TNR: variants seen among roughly 807,000 people sequenced by gnomAD.
TNR encodes tenascin R.
Under a neutral mutation model 150.4 loss-of-function variants are expected in TNR, and 45 were observed. The ratio of observed to expected loss-of-function variants is 0.30; its 90% CI spans 0.24 to 0.38. The LOEUF is 0.38. Among genes scored for constraint, TNR ranks in the 10% least tolerant of loss-of-function variants. TNR has a pLI of 1.00. For missense variants in TNR, 1,544 were observed against 1,759.1 expected (o/e 0.88, Z 2.19); for synonymous variants, 687 against 678.4 (o/e 1.01, Z -0.20).
intron 1 of TNR, among the ~76,000 whole-genome samples, chr1:175,700,466 T>C (rs76514541): frequency 0.055 from 8,323 of 152,266 alleles, 317 homozygotes; most frequent in East Asian, 0.17. Flanking sequence ...TGAGATCGTC[T>C]TGAGAGAAGC....
intron 1 of TNR, among the ~76,000 whole-genome samples, chr1:175,612,490 A>G (rs192653356): frequency 3.3e-4 from 51 of 152,270 alleles, no homozygotes; most frequent in South Asian, 2.7e-3. Context: ...GCATCAGTCA[A>G]TGGGTCAGGC....
chr1:175,639,062 T>C (rs536092440), intron 1 of TNR, among the ~76,000 whole-genome samples: 14 of 152,322 alleles, frequency 9.2e-5, no homozygotes, highest in East Asian at 3.9e-4. Flanking sequence ...TCCACTTCTA[T>C]GGCACGCACC....
intron 2 of TNR, among the ~76,000 whole-genome samples, chr1:175,461,470 G>A (rs1320159750): frequency 1.3e-5 from 2 of 152,190 alleles, no homozygotes; most frequent in Non-Finnish European, 2.9e-5. Flanking sequence ...TAACATTAAT[G>A]TCAGCACTGA....
chr1:175,548,375 T>C (rs1003967434), intron 1 of TNR, among the ~76,000 whole-genome samples: 5 of 152,102 alleles, frequency 3.3e-5, no homozygotes, highest in Admixed American at 6.6e-5. Context: ...CTCTATCTAG[T>C]AGCTGCACGA....
intron 18 of TNR, among the ~76,000 whole-genome samples, chr1:175,349,442 C>T (rs373712000): frequency 3.9e-5 from 6 of 152,132 alleles, no homozygotes; most frequent in Non-Finnish European, 5.9e-5. Flanking sequence ...CATGACAACA[C>T]GGATGGGTCT....
At chr1:175,729,786 A>G (rs1302323485) in intron 1 of TNR, among the ~76,000 whole-genome samples, 1 of 152,204 alleles carries the variant, frequency 6.6e-6, no homozygotes, top group African/African-American at 2.4e-5. Context: ...CAAGAAGAGC[A>G]CAGCATCCCC....
intron 9 of TNR, among the ~76,000 whole-genome samples, chr1:175,377,275 T>C (rs1460388256): frequency 6.6e-6 from 1 of 152,188 alleles, no homozygotes; most frequent in Admixed American, 6.5e-5. Context: ...TCTTCTTTTT[T>C]CCCGGTAGAG....
At chr1:175,327,990 C>G (rs1404213790) in intron 21 of TNR, among the ~76,000 whole-genome samples, 1 of 152,186 alleles carries the variant, frequency 6.6e-6, no homozygotes, top group Non-Finnish European at 1.5e-5. Context: ...TGTCTGTAAT[C>G]CCAGCTACTC....
At chr1:175,365,533 A>G (rs1431823903) in intron 11 of TNR, among the ~76,000 whole-genome samples, 2 of 152,222 alleles carry the variant, frequency 1.3e-5, no homozygotes. Context: ...ACCAGGATTG[A>G]AAGCCTGTAT....
At chr1:175,675,523 C>G (rs1283682756) in intron 1 of TNR, among the ~76,000 whole-genome samples, 1 of 152,204 alleles carries the variant, frequency 6.6e-6, no homozygotes, top group Non-Finnish European at 1.5e-5. Context: ...TTCAAGCATG[C>G]AGGTATCATG....
At chr1:175,677,773 T>C (rs540330908) in intron 1 of TNR, among the ~76,000 whole-genome samples, 1 of 152,212 alleles carries the variant, frequency 6.6e-6, no homozygotes, top group African/African-American at 2.4e-5. Flanking sequence ...ACTTCATCTA[T>C]TAACTGGGAA....
chr1:175,684,751 C>G (rs1341423688), intron 1 of TNR, among the ~76,000 whole-genome samples: 1 of 152,108 alleles, frequency 6.6e-6, no homozygotes, highest in Non-Finnish European at 1.5e-5. Context: ...TCAGAAAATG[C>G]CAGTAATGCA....
chr1:175,543,426 A>C (rs994846728), intron 1 of TNR, among the ~76,000 whole-genome samples: 1 of 152,194 alleles, frequency 6.6e-6, no homozygotes, highest in African/African-American at 2.4e-5. Flanking sequence ...GAAGACAAGA[A>C]GTTAGTCCTC....
At chr1:175,543,969 G>T (rs1557997214) in intron 1 of TNR, among the ~76,000 whole-genome samples, 1 of 152,106 alleles carries the variant, frequency 6.6e-6, no homozygotes, top group Non-Finnish European at 1.5e-5. Context: ...ACAGAAATGA[G>T]AAACCTCATG....
intron 2 of TNR, among the ~76,000 whole-genome samples, chr1:175,447,451 GC>G (rs1656106765): frequency 6.6e-6 from 1 of 152,114 alleles, no homozygotes; most frequent in Admixed American, 6.5e-5. Flanking sequence ...CTTCTTCCCG[GC>G]CCTTGTTTAT....
At chr1:175,540,087 G>C (rs1296348015) in intron 1 of TNR, among the ~76,000 whole-genome samples, 1 of 152,164 alleles carries the variant, frequency 6.6e-6, no homozygotes, top group Non-Finnish European at 1.5e-5. Context: ...GATGTAGAGT[G>C]GGGAGGGAAC....
intron 1 of TNR, among the ~76,000 whole-genome samples, chr1:175,592,895 C>G (rs1460579358): frequency 6.6e-6 from 1 of 152,180 alleles, no homozygotes; most frequent in Non-Finnish European, 1.5e-5. Context: ...AATGGCCAAG[C>G]AAGAAATTCT....
chr1:175,384,357 A>G (rs1652824925), intron 8 of TNR, among the ~76,000 whole-genome samples: 1 of 152,232 alleles, frequency 6.6e-6, no homozygotes, highest in Non-Finnish European at 1.5e-5. Context: ...GGCAGAATTT[A>G]GTTCATTGTT....
rs144578836 is a variant in TNR, at chr1:175,506,982, C to T, written c.-64+21287G>A. Among the ~76,000 whole-genome samples the T allele has an allele frequency of 7.6e-4, 116 of 152,254 alleles. 1 individual carries two copies. Among genetic ancestry groups the T allele is most frequent in the Admixed American group, 1.2e-3 (19 of 15,298 alleles). On this transcript the variant is annotated intron_variant, in intron 2 of 22. Coordinates refer to ENST00000367674, the MANE Select transcript of TNR (RefSeq NM_003285.3). ...AGACCCTAACAGTATAGCAGGGGTGCGTGTCACAACAGGGAGTGTGCGGGC... is the reference window on the plus strand; with the variant it reads ...AGACCCTAACAGTATAGCAGGGGTGTGTGTCACAACAGGGAGTGTGCGGGC...
Sources: allele counts gnomAD v4.1 joint callset (sites outside exome capture counted in the v4.1 genomes callset), GRCh38; gene constraint gnomAD v4.1.1; transcripts MANE v1.5; gene names NCBI Gene and HGNC (gene_info 2026-07-23, HGNC 2026-07-21).